The following BAP1 variants were observed in gnomAD, a reference collection of about 807,000 sequenced individuals.
The protein encoded by BAP1 is BRCA1 associated deubiquitinase 1, also known as ubiquitin carboxyl-terminal hydrolase BAP1.
In BAP1, 16 loss-of-function variants were observed where a neutral mutation model predicts 77.2. The ratio of observed to expected loss-of-function variants is 0.21; its 90% CI spans 0.14 to 0.31. The LOEUF is 0.31. Among genes scored for constraint, BAP1 ranks in the 10% least tolerant of loss-of-function variants. BAP1 has a pLI of 1.00. For synonymous variants in BAP1, 362 were observed against 385.2 expected, an observed-to-expected ratio of 0.94 and a Z score of 0.71; for missense variants, 699 against 967.3, an observed-to-expected ratio of 0.72 and a Z score of 3.68.
chr3:52,407,932 G>T, intron 5 of BAP1, 26 bp downstream of exon 5: 7 of 1,612,870 alleles, frequency 4.3e-6, no homozygotes, highest in Non-Finnish European at 5.9e-6. Context: ...TTGGCTGTGA[G>T]CCAGGATGAA....
At position 52,405,203 on chromosome 3, in the gene BAP1, G is replaced by C. The variant is rs1239716661; in HGVS notation, c.1023C>G (p.Ser341Arg). Residue 341 changes from serine to arginine, a missense_variant, in exon 11 of 17, where the codon AGC becomes AGG. Transcript: ENST00000460680. Reference protein sequence around the residue: ...KPKLVVKPPGSSLNGVHPNPT... With the variant: ...KPKLVVKPPGRSLNGVHPNPT... ...GGTTGGGGTGAACCCCATTGAGGCT[G>C]CTGCCTGGAGGCTTCACCACTAGCT... 1 of 1,614,014 alleles carries C rather than the reference G, an allele frequency of 6.2e-7. No homozygotes were observed. Among genetic ancestry groups the C allele is most frequent in the African/African-American group, 1.3e-5 (1 of 74,938 alleles).
chr3:52,405,690 C>A (rs1172065740), intron 10 of BAP1, 75 bp downstream of exon 10: 3 of 1,587,336 alleles, frequency 1.9e-6, no homozygotes, highest in Non-Finnish European at 2.6e-6. Flanking sequence ...AAAAGACTTT[C>A]CCTGTTTAGG....
intron 4 of BAP1, 30 bp downstream of exon 4, chr3:52,408,444 C>A (rs2153228251): frequency 6.2e-7 from 1 of 1,607,544 alleles, no homozygotes; most frequent in South Asian, 1.1e-5. Flanking sequence ...AGCATCCCAC[C>A]CTCCAAACAA....
Position 52,406,536 on chromosome 3 carries a change from C to G in BAP1, c.660-160G>C. On this transcript the variant is annotated intron_variant, in intron 8 of 16. Coordinates refer to ENST00000460680, the MANE Select transcript of BAP1 (RefSeq NM_004656.4). The surrounding 1 kb of genome is among the most constrained non-coding windows in gnomAD (Gnocchi z 4.6). ...GCGACTAGCCATACATGCCAGGCAC[C>G]TGAGCTGGTACCTTCCAACAAGCTG... is the stretch of plus-strand genomic sequence containing the variant. 8.7e-7 allele frequency: 1 copy of G among 1,155,204 alleles called. No individual in the cohort carries two copies. Among genetic ancestry groups the G allele is most frequent in the Non-Finnish European group, 1.2e-6 (1 of 805,782 alleles). The allele number at this position is 1,155,204 out of a possible 1,614,324, so 71.6% of individuals were successfully genotyped here. A position where few individuals can be genotyped will look rare whatever the true frequency, so the allele number is the denominator to read the frequency against.
chr3:52,408,513 A>G lies in BAP1; in HGVS notation c.216T>C (p.Ile72=), dbSNP rs1257200755. ...VSTLVDDTSV[I]DDDIVNNMFF... The stretch of plus-strand genomic sequence containing the variant: ...ACATGTTATTCACAATATCATCATC[A>G]ATCACGGACGTATCATCCACCAAGG... Residue 72 remains isoleucine, a synonymous_variant, in exon 4 of 17, where the codon ATT becomes ATC. Coordinates refer to ENST00000460680, the MANE Select transcript of BAP1 (RefSeq NM_004656.4). 9 of 1,612,212 alleles carry G rather than the reference A, an allele frequency of 5.6e-6. No homozygotes were observed. The highest frequency in any genetic ancestry group is 2.7e-5 in the African/African-American group (2 of 74,904).
chr3:52,403,017 C>T lies in BAP1; in HGVS notation c.1890+121G>A. 6.3e-7 allele frequency: 1 copy of T among 1,596,458 alleles called. No individual in the cohort carries two copies. On this transcript the variant is annotated intron_variant, in intron 14 of 16. Transcript: ENST00000460680. This position sits in a 1 kb window ranked among gnomAD's most constrained non-coding sequence, Gnocchi z 4.0. Reference sequence around the variant, plus strand: ...ACCCAACCCAGAAAGTCTTCTGGCACATGGCTCCAGCCACCAATCTTCACA... The same window carrying T: ...ACCCAACCCAGAAAGTCTTCTGGCATATGGCTCCAGCCACCAATCTTCACA...
At position 52,406,405 on chromosome 3, in the gene BAP1, A is replaced by G. The variant is rs745412116; in HGVS notation, c.660-29T>C. ...CAGTCACAGCCGCAGCCGTGAGAGCAGCTCCCGCCCCGGCCCCGCCATCAG... is the reference window on the plus strand; with the variant it reads ...CAGTCACAGCCGCAGCCGTGAGAGCGGCTCCCGCCCCGGCCCCGCCATCAG... On this transcript the variant is annotated intron_variant, in intron 8 of 16. Transcript: ENST00000460680. This position sits in a 1 kb window ranked among gnomAD's most constrained non-coding sequence, Gnocchi z 4.6. The G allele has an allele frequency of 1.2e-6, 2 of 1,611,462 alleles. No individual in the cohort carries two copies. Among genetic ancestry groups the G allele is most frequent in the Admixed American group, 3.3e-5 (2 of 59,984 alleles).
Position 52,407,974 on chromosome 3 carries a change from TTGG to T in BAP1, c.356_358del (p.Thr119del). 6.2e-7 allele frequency: 1 copy of T among 1,613,958 alleles called. No individual in the cohort carries two copies. The highest frequency in any genetic ancestry group is 8.5e-7 in the Non-Finnish European group (1 of 1,179,994). On this transcript the variant is annotated inframe_deletion, in exon 5 of 17. Coordinates refer to ENST00000460680, the MANE Select transcript of BAP1 (RefSeq NM_004656.4). ...GCAGCCTACCTCAGGGCTGAAACCCTTGGTGAAGTCCTTCATGCGACTCAGGGT... is the reference window on the plus strand; with the variant it reads ...GCAGCCTACCTCAGGGCTGAAACCCTTGAAGTCCTTCATGCGACTCAGGGT...
Position 52,402,229 on chromosome 3 carries a change from A to T in BAP1, c.*59T>A, listed in dbSNP as rs1245600077. The T allele has an allele frequency of 6.3e-7, 1 of 1,577,874 alleles. No homozygotes were observed. The highest frequency in any genetic ancestry group is 8.6e-7 in the Non-Finnish European group (1 of 1,164,504). ...TGGGAAAAGGGGAAGTGGGGCAGGGAAGGACCCTGGTGAGGGCCACACGGC... is the reference window on the plus strand; with the variant it reads ...TGGGAAAAGGGGAAGTGGGGCAGGGTAGGACCCTGGTGAGGGCCACACGGC... On this transcript the variant is annotated 3_prime_UTR_variant, in exon 17 of 17. Coordinates refer to ENST00000460680, the MANE Select transcript of BAP1 (RefSeq NM_004656.4). This position sits in a 1 kb window ranked among gnomAD's most constrained non-coding sequence, Gnocchi z 5.3.
In BAP1 at chr3:52,409,942, G is replaced by A. The variant is rs919815866; in HGVS notation, c.-64C>T. 4 of 1,574,122 alleles carry A rather than the reference G, an allele frequency of 2.5e-6. No individual in the cohort carries two copies. The highest frequency in any genetic ancestry group is 1.3e-5 in the African/African-American group (1 of 74,240). On this transcript the variant is annotated 5_prime_UTR_variant, in exon 1 of 17. Coordinates refer to ENST00000460680, the MANE Select transcript of BAP1 (RefSeq NM_004656.4). ...CTCCCTCCCCACCGCTGCCCCCACC[G>A]GGAGCCCCCACCGCCCCCGGGGCCC... is the stretch of plus-strand genomic sequence containing the variant.
intron 10 of BAP1, 67 bp from the exon 11 acceptor site, chr3:52,405,361 C>A (rs756607025): frequency 6.3e-7 from 1 of 1,594,028 alleles, no homozygotes; most frequent in East Asian, 2.2e-5. Context: ...ACAGTCTCCC[C>A]GGCCCTGTGA....
At position 52,403,055 on chromosome 3, in the gene BAP1, T is replaced by G; in HGVS notation, c.1890+83A>C. Reference sequence around the variant, plus strand: ...ACCAATCTTCACACCAAAGTTCCAATCAAGAACTTGGCACCTGGGCAGGAG... The same window carrying G: ...ACCAATCTTCACACCAAAGTTCCAAGCAAGAACTTGGCACCTGGGCAGGAG... On this transcript the variant is annotated intron_variant, in intron 14 of 16. Coordinates refer to ENST00000460680, the MANE Select transcript of BAP1 (RefSeq NM_004656.4). This position sits in a 1 kb window ranked among gnomAD's most constrained non-coding sequence, Gnocchi z 4.0. The G allele has an allele frequency of 6.2e-7, 1 of 1,600,826 alleles. No homozygotes were observed.
chr3:52,406,278 T>C lies in BAP1; in HGVS notation c.758A>G (p.Gln253Arg), dbSNP rs2153227435. Reference protein sequence around the residue: ...ARLHVLKVNRQTVLEALQQLI... With the variant: ...ARLHVLKVNRRTVLEALQQLI... ...CTGCTGCAGAGCCTCTAGTACTGTC[T>C]GACGGTTCACCTTCAGCACATGCAG... Residue 253 changes from glutamine to arginine, a missense_variant, in exon 9 of 17, where the codon CAG becomes CGG. By Grantham distance (43) the Gln-to-Arg change is conservative (BLOSUM62 1). This residue lies in a region of BAP1 where 475 missense variants were observed against 532.4 expected (regional missense o/e 0.89). Transcript: ENST00000460680. This position sits in a 1 kb window ranked among gnomAD's most constrained non-coding sequence, Gnocchi z 4.6. 6.2e-7 allele frequency: 1 copy of C among 1,614,198 alleles called. No homozygotes were observed. The highest frequency in any genetic ancestry group is 8.5e-7 in the Non-Finnish European group (1 of 1,180,030).
intron 3 of BAP1, among the ~76,000 whole-genome samples, chr3:52,408,955 C>CA (rs1199381901): frequency 2.0e-5 from 3 of 152,236 alleles, no homozygotes. Flanking sequence ...AACAAAAACT[C>CA]TGATGAGGAA....
Position 52,403,995 on chromosome 3 carries a change from C to T in BAP1, c.1251-101G>A. ...ATACATCCCGACCTCCAGGGGCTGA[C>T]CCTAAAACTCCTTATACTTGGTCCA... On this transcript the variant is annotated intron_variant, in intron 12 of 16. Transcript: ENST00000460680. This position sits in a 1 kb window ranked among gnomAD's most constrained non-coding sequence, Gnocchi z 4.0. 8.1e-7 allele frequency: 1 copy of T among 1,229,726 alleles called. No individual in the cohort carries two copies. The allele number at this position is 1,229,726 out of a possible 1,614,324, so 76.2% of individuals were successfully genotyped here.
Position 52,406,541 on chromosome 3 carries a change from C to T in BAP1, c.660-165G>A, listed in dbSNP as rs1457657981. 3.6e-6 allele frequency: 4 copies of T among 1,113,900 alleles called. No homozygotes were observed. The allele number at this position is 1,113,900 out of a possible 1,614,324, so 69.0% of individuals were successfully genotyped here. On this transcript the variant is annotated intron_variant, in intron 8 of 16. Transcript: ENST00000460680. This position sits in a 1 kb window ranked among gnomAD's most constrained non-coding sequence, Gnocchi z 4.6. ...TAGCCATACATGCCAGGCACCTGAG[C>T]TGGTACCTTCCAACAAGCTGTATGA...
At position 52,406,536 on chromosome 3, in the gene BAP1, C is replaced by T; in HGVS notation, c.660-160G>A. On this transcript the variant is annotated intron_variant, in intron 8 of 16. Transcript: ENST00000460680. The surrounding 1 kb of genome is among the most constrained non-coding windows in gnomAD (Gnocchi z 4.6). ...GCGACTAGCCATACATGCCAGGCAC[C>T]TGAGCTGGTACCTTCCAACAAGCTG... The T allele has an allele frequency of 8.7e-7, 1 of 1,155,204 alleles. No individual in the cohort carries two copies. Among genetic ancestry groups the T allele is most frequent in the East Asian group, 2.6e-5 (1 of 39,214 alleles). The allele number at this position is 1,155,204 out of a possible 1,614,324, so 71.6% of individuals were successfully genotyped here.
rs2153226861 is a variant in BAP1 at position 52,404,519 on chromosome 3, G to A, written c.1184C>T (p.Ser395Leu). 1 of 1,614,138 alleles carries A rather than the reference G, an allele frequency of 6.2e-7. No individual in the cohort carries two copies. Among genetic ancestry groups the A allele is most frequent in the Non-Finnish European group, 8.5e-7 (1 of 1,180,028 alleles). ...ATCCTCATAGTCATCCTCATCATCT[G>A]AGTACTGCTGGGGTGGGCGGACTGG... ...RVPVRPPQQY[S>L]DDEDDYEDDE... Residue 395 changes from serine to leucine, a missense_variant, in exon 12 of 17, where the codon TCA becomes TTA. Around this residue, in one of 3 missense-constraint regions of BAP1, gnomAD observed 475 missense variants for 532.4 expected, o/e 0.89. Transcript: ENST00000460680.
In BAP1 at chr3:52,402,712, TC is replaced by T. The variant is rs766939937; in HGVS notation, c.1984-39del. The T allele has an allele frequency of 1.2e-6, 2 of 1,614,034 alleles. No homozygotes were observed. Among genetic ancestry groups the T allele is most frequent in the Admixed American group, 3.3e-5 (2 of 60,032 alleles). ...AGAAGACTGAGAGCACTGGAGCCAA[TC>T]TTGCCAGAGCAGCCACCAGTGGACC... On this transcript the variant is annotated intron_variant, in intron 15 of 16. Coordinates refer to ENST00000460680, the MANE Select transcript of BAP1 (RefSeq NM_004656.4). The surrounding 1 kb of genome is among the most constrained non-coding windows in gnomAD (Gnocchi z 5.3).
Sources: allele counts gnomAD v4.1 joint callset (sites outside exome capture counted in the v4.1 genomes callset), GRCh38; gene constraint gnomAD v4.1.1; regional missense constraint gnomAD v4.1.1; non-coding constraint Gnocchi (gnomAD v3.1); transcripts MANE v1.5; gene names NCBI Gene and HGNC (gene_info 2026-07-23, HGNC 2026-07-21).